Variants in NHSL1 observed in about 807,000 individuals in gnomAD.
NHSL1 encodes the protein NHS like 1, also known as NHS-like protein 1.
A neutral mutation model predicts 95.0 loss-of-function variants in NHSL1; 48 were observed. The observed-to-expected ratio is 0.51, with a 90% CI of 0.40 to 0.64. The LOEUF (loss-of-function observed/expected upper bound fraction) is 0.64. Ranked by LOEUF, NHSL1 falls within the 30% of genes least tolerant of loss-of-function variation. NHSL1 has a pLI of 0.00. For missense variants in NHSL1, 1,971 were observed against 2,077.7 expected (o/e 0.95, Z 1.00); for synonymous variants, 783 against 833.9 (o/e 0.94, Z 1.05).
chr6:138,570,188 T>C (rs1783787656), intron 1 of NHSL1, among the ~76,000 whole-genome samples: 1 of 152,246 alleles, frequency 6.6e-6, no homozygotes, highest in African/African-American at 2.4e-5. Flanking sequence ...CTCACATGTA[T>C]ACAGTCGTTA....
In NHSL1 at chr6:138,431,676, G is replaced by A; in HGVS notation, c.2669C>T (p.Ser890Phe). The A allele has an allele frequency of 6.4e-7, 1 of 1,551,662 alleles. No homozygotes were observed. Among genetic ancestry groups the A allele is most frequent in the Non-Finnish European group, 8.7e-7 (1 of 1,146,962 alleles). ...KPKPKVPERK[S>F]SLISSVSISS... ...AATGGATACTGAAGATATCAGAGAG[G>A]ACTTCCTTTCTGGTACCTTGGGCTT... Residue 890 changes from serine to phenylalanine, a missense_variant, in exon 6 of 8, where the codon TCC becomes TTC. Physicochemically the swap from Ser to Phe is radical, Grantham distance 155. Transcript: ENST00000343505. This position sits in a 1 kb window ranked among gnomAD's most constrained non-coding sequence, Gnocchi z 4.0.
At chr6:138,450,816 T>A (rs1026602451) in intron 3 of NHSL1, among the ~76,000 whole-genome samples, 1 of 152,140 alleles carries the variant, frequency 6.6e-6, no homozygotes, top group African/African-American at 2.4e-5. Context: ...ACTTCCACAA[T>A]GATATGACTT....
intron 2 of NHSL1, among the ~76,000 whole-genome samples, chr6:138,490,592 G>A (rs1023597324): frequency 2.0e-5 from 3 of 152,078 alleles, no homozygotes; most frequent in Admixed American, 2.0e-4. Context: ...AAATCTGGCT[G>A]GAACAACTTG....
intron 1 of NHSL1, among the ~76,000 whole-genome samples, chr6:138,689,617 A>G (rs926489049): frequency 3.3e-5 from 5 of 152,190 alleles, no homozygotes; most frequent in African/African-American, 1.2e-4. Context: ...TCACTGAAAT[A>G]TGCTGTCCCC....
chr6:138,503,600 T>G (rs1182521706), upstream of NHSL1, among the ~76,000 whole-genome samples: 1 of 152,226 alleles, frequency 6.6e-6, no homozygotes, highest in Non-Finnish European at 1.5e-5. Flanking sequence ...ACAGCAGGGT[T>G]GAGCGGCTAC....
intron 1 of NHSL1, among the ~76,000 whole-genome samples, chr6:138,562,318 G>A (rs1415888681): frequency 6.6e-6 from 1 of 152,202 alleles, no homozygotes; most frequent in African/African-American, 2.4e-5. Flanking sequence ...AAGGGAAAAA[G>A]TAATTATGAA....
intron 1 of NHSL1, among the ~76,000 whole-genome samples, chr6:138,517,147 AAGTGTGTTACCT>A (rs1773187233): frequency 6.6e-6 from 1 of 152,118 alleles, no homozygotes; most frequent in South Asian, 2.1e-4. Context: ...TGCCTCTCTT[AAGTGTGTTACCT>A]AGTCCAAGAC....
chr6:138,564,642 C>A (rs1210367413), intron 1 of NHSL1, among the ~76,000 whole-genome samples: 2 of 140,144 alleles, frequency 1.4e-5, no homozygotes, highest in African/African-American at 6.4e-5. Flanking sequence ...GAGCACTTAG[C>A]CTTGGGGATA....
intron 1 of NHSL1, among the ~76,000 whole-genome samples, chr6:138,607,344 CA>C (rs1478511120): frequency 6.6e-6 from 1 of 152,068 alleles, no homozygotes; most frequent in Non-Finnish European, 1.5e-5. Context: ...TATCATCGGA[CA>C]AAACCAACCA....
At chr6:138,647,881 G>A (rs1374960138) in intron 1 of NHSL1, among the ~76,000 whole-genome samples, 1 of 152,154 alleles carries the variant, frequency 6.6e-6, no homozygotes, top group Non-Finnish European at 1.5e-5. Flanking sequence ...TACAAGGCGT[G>A]AGCCACTGCA....
chr6:138,561,507 C>T (rs1783407472), intron 1 of NHSL1, among the ~76,000 whole-genome samples: 1 of 152,132 alleles, frequency 6.6e-6, no homozygotes, highest in South Asian at 2.1e-4. Context: ...TAATGAGCTC[C>T]CACTCTAGGA....
At chr6:138,525,630 G>C (rs1159569262) in intron 1 of NHSL1, among the ~76,000 whole-genome samples, 1 of 151,812 alleles carries the variant, frequency 6.6e-6, no homozygotes, top group Non-Finnish European at 1.5e-5. Flanking sequence ...CCCAAAGCTA[G>C]ACTATATAAA....
intron 1 of NHSL1, among the ~76,000 whole-genome samples, chr6:138,609,547 G>C (rs190580458): frequency 6.6e-6 from 1 of 151,996 alleles, no homozygotes; most frequent in Non-Finnish European, 1.5e-5. Flanking sequence ...TCAAGAGCTC[G>C]AGACCATCCT....
At chr6:138,550,152 T>C (rs1782946058), upstream of NHSL1, among the ~76,000 whole-genome samples, 1 of 152,126 alleles carries the variant, frequency 6.6e-6, no homozygotes, top group African/African-American at 2.4e-5. Flanking sequence ...GGCAGGAGAA[T>C]TGCTTGAACC....
intron 1 of NHSL1, among the ~76,000 whole-genome samples, chr6:138,633,381 C>A (rs1211369853): frequency 2.0e-5 from 3 of 152,122 alleles, no homozygotes; most frequent in South Asian, 4.1e-4. Context: ...CCCAAAAAGA[C>A]CACCTCAAGG....
intron 1 of NHSL1, among the ~76,000 whole-genome samples, chr6:138,689,930 G>C (rs183367513): frequency 1.3e-4 from 20 of 152,258 alleles, no homozygotes; most frequent in African/African-American, 4.8e-4. Flanking sequence ...TTACAGGCAT[G>C]AGCCACTGTG....
At chr6:138,566,693 C>T (rs143712905) in intron 1 of NHSL1, among the ~76,000 whole-genome samples, 6 of 150,630 alleles carry the variant, frequency 4.0e-5, no homozygotes, top group African/African-American at 9.8e-5. Flanking sequence ...TCATTTAAAT[C>T]GAACTTCAAC....
In NHSL1 at chr6:138,432,289, T is replaced by C. The variant is rs1306251074; in HGVS notation, c.2056A>G (p.Lys686Glu). 3.9e-6 allele frequency: 6 copies of C among 1,551,334 alleles called. No homozygotes were observed. Among genetic ancestry groups the C allele is most frequent in the Non-Finnish European group, 4.4e-6 (5 of 1,146,856 alleles). ...TGCCCGTTGCACTGGCTGCTCTTCT[T>C]GGGAATCCTGCGGAGGGAGTCTGTC... ...SRTDSLRRIP[K>E]KSSQCNGQVL... Residue 686 changes from lysine (K) to glutamate (E), a missense_variant, in exon 6 of 8, where the codon AAG (lysine) becomes GAG (glutamate). Coordinates refer to ENST00000343505, the MANE Select transcript of NHSL1 (RefSeq NM_001144060.2). The surrounding 1 kb of genome is among the most constrained non-coding windows in gnomAD (Gnocchi z 4.4).
chr6:138,625,453 C>G (rs1784723964), intron 1 of NHSL1, among the ~76,000 whole-genome samples: 2 of 152,036 alleles, frequency 1.3e-5, no homozygotes, highest in African/African-American at 4.8e-5. Flanking sequence ...CTGGACATTG[C>G]TTTTCCAGCG....
Sources: gnomAD v4.1 joint callset for allele counts (sites outside exome capture counted in the v4.1 genomes callset) on GRCh38, gnomAD v4.1.1 for gene constraint, Gnocchi (gnomAD v3.1) non-coding constraint, MANE v1.5 for transcripts, NCBI Gene and HGNC (gene_info 2026-07-23, HGNC 2026-07-21) for gene names.